Variants in MBNL2 observed in about 807,000 individuals in gnomAD.
MBNL2 encodes the protein muscleblind-like protein 2.
Under a neutral mutation model 41.9 loss-of-function variants are expected in MBNL2, and 17 were observed. That is an observed-to-expected ratio of 0.41 (90% CI 0.28 to 0.61). MBNL2 has a LOEUF of 0.61. Among genes scored for constraint, MBNL2 ranks in the 20% least tolerant of loss-of-function variants. The pLI is 0.35. For missense variants in MBNL2, 336 were observed against 505.6 expected, an observed-to-expected ratio of 0.66 and a Z score of 3.22; for synonymous variants, 195 against 182.9, an observed-to-expected ratio of 1.07 and a Z score of -0.53.
At chr13:97,166,239 GT>G in the MBNL2 span, among the ~76,000 whole-genome samples, 10 of 152,186 alleles carry the variant, frequency 6.6e-5, no homozygotes, top group Admixed American at 2.6e-4. Context: ...AAATAATGAG[GT>G]AGCACATGAA....
chr13:97,300,991 C>T lies in MBNL2; in HGVS notation c.174+24582C>T, dbSNP rs552184032. ...CCTTTGGAAACATCTGTTGAATTAG[C>T]CAAACAAGACATCTGTGTCAGAACA... is the stretch of plus-strand genomic sequence containing the variant. On this transcript the variant is annotated intron_variant, in intron 2 of 8. Transcript: ENST00000679496. Among the ~76,000 whole-genome samples the T allele has an allele frequency of 2.5e-4, 38 of 152,264 alleles. No homozygotes were observed. The South Asian group carries it at 7.5e-3, about 30-fold the overall frequency.
intron 2 of MBNL2, among the ~76,000 whole-genome samples, chr13:97,290,747 T>G (rs9516896): frequency 0.087 from 13,187 of 151,062 alleles, 639 homozygotes; most frequent in South Asian, 0.14. Context: ...TTTATTTACC[T>G]ACTATGAGAA....
chr13:97,375,161 A>C (rs1307285202), intron 8 of MBNL2, among the ~76,000 whole-genome samples: 3 of 152,214 alleles, frequency 2.0e-5, no homozygotes. Flanking sequence ...CCACACGTCA[A>C]AGACACACTG....
At chr13:97,150,976 C>T in the MBNL2 span, among the ~76,000 whole-genome samples, 30 of 152,176 alleles carry the variant, frequency 2.0e-4, no homozygotes, top group Non-Finnish European at 4.4e-4. Context: ...ATTGACCTTG[C>T]ATTTTCAAGG....
chr13:97,179,046 A>G, the MBNL2 span, among the ~76,000 whole-genome samples: 1 of 152,246 alleles, frequency 6.6e-6, no homozygotes, highest in African/African-American at 2.4e-5. Context: ...CAAATAATCA[A>G]AGACCTGATC....
At chr13:97,247,496 C>T (rs1450481663) in intron 1 of MBNL2, among the ~76,000 whole-genome samples, 2 of 152,142 alleles carry the variant, frequency 1.3e-5, no homozygotes, top group African/African-American at 4.8e-5. Context: ...CATAGGTCTT[C>T]TTTGTGCTCT....
chr13:97,230,892 C>G (rs1405943564), intron 1 of MBNL2, among the ~76,000 whole-genome samples: 1 of 152,186 alleles, frequency 6.6e-6, no homozygotes, highest in Non-Finnish European at 1.5e-5. Flanking sequence ...ACCTTTGTAG[C>G]TGTATCTCTC....
intron 3 of MBNL2, among the ~76,000 whole-genome samples, chr13:97,342,064 G>T (rs2061485212): frequency 1.3e-5 from 2 of 152,156 alleles, no homozygotes; most frequent in Admixed American, 6.5e-5. Context: ...GAAGCATTCA[G>T]GTCCAATTTG....
At chr13:97,263,522 G>A (rs1048608394) in intron 1 of MBNL2, among the ~76,000 whole-genome samples, 1 of 152,208 alleles carries the variant, frequency 6.6e-6, no homozygotes, top group Admixed American at 6.5e-5. Context: ...TTGTCCAAAT[G>A]CCTGGGGGGC....
chr13:97,338,293 T>C (rs539720733), intron 3 of MBNL2, among the ~76,000 whole-genome samples: 1 of 152,198 alleles, frequency 6.6e-6, no homozygotes, highest in South Asian at 2.1e-4. Flanking sequence ...ACTCACCTCA[T>C]TCATAAGGAC....
intron 2 of MBNL2, among the ~76,000 whole-genome samples, chr13:97,299,452 AT>A (rs1170686947): frequency 1.3e-5 from 2 of 152,148 alleles, no homozygotes; most frequent in African/African-American, 4.8e-5. Context: ...GTAAATATAT[AT>A]TAAATTCTGA....
intron 2 of MBNL2, among the ~76,000 whole-genome samples, chr13:97,331,357 A>G (rs2060422238): frequency 2.6e-5 from 4 of 152,228 alleles, no homozygotes; most frequent in Admixed American, 2.6e-4. Flanking sequence ...GAGCCAAGTT[A>G]TGAGACCAGA....
At chr13:97,260,800 C>G (rs558407385) in intron 1 of MBNL2, among the ~76,000 whole-genome samples, 1 of 152,254 alleles carries the variant, frequency 6.6e-6, no homozygotes, top group East Asian at 1.9e-4. Flanking sequence ...TGCCTGTGTT[C>G]CAGCCATTCC....
the MBNL2 span, among the ~76,000 whole-genome samples, chr13:97,155,548 C>T: frequency 1.4e-5 from 2 of 144,338 alleles, no homozygotes; most frequent in Non-Finnish European, 3.0e-5. Context: ...CCTCCCCCCT[C>T]CCCACACCCC....
At chr13:97,271,494 C>T (rs1302700024) in intron 1 of MBNL2, among the ~76,000 whole-genome samples, 2 of 152,072 alleles carry the variant, frequency 1.3e-5, no homozygotes, top group African/African-American at 4.8e-5. Context: ...GATACATGTG[C>T]AGAATGTGCA....
At chr13:97,211,615 T>C in the MBNL2 span, among the ~76,000 whole-genome samples, 4 of 152,084 alleles carry the variant, frequency 2.6e-5, no homozygotes, top group East Asian at 7.7e-4. Flanking sequence ...TGATGTGAGG[T>C]GATGACATCA....
At chr13:97,373,979 A>T (rs911021793) in intron 8 of MBNL2, among the ~76,000 whole-genome samples, 3 of 151,220 alleles carry the variant, frequency 2.0e-5, no homozygotes, top group African/African-American at 7.3e-5. Flanking sequence ...GCAGCTGAAG[A>T]GAAAATGTCA....
intron 7 of MBNL2, chr13:97,357,866 G>A: frequency 1.8e-6 from 1 of 566,274 alleles, no homozygotes; most frequent in Non-Finnish European, 3.2e-6. Flanking sequence ...TTTAACCCAT[G>A]AGAAACAGCA....
intron 2 of MBNL2, among the ~76,000 whole-genome samples, chr13:97,331,674 T>G (rs1205566388): frequency 1.3e-5 from 2 of 152,172 alleles, no homozygotes; most frequent in African/African-American, 4.8e-5. Flanking sequence ...CCATCTGCTA[T>G]TTTGTAAAAA....
Sources: allele counts gnomAD v4.1 joint callset (sites outside exome capture counted in the v4.1 genomes callset), GRCh38; gene constraint gnomAD v4.1.1; transcripts MANE v1.5; gene names NCBI Gene and HGNC (gene_info 2026-07-23, HGNC 2026-07-21).